The following SYNDIG1 variants were observed in gnomAD, a reference collection of about 807,000 sequenced individuals.
The protein encoded by SYNDIG1 is synapse differentiation-inducing gene protein 1.
A neutral mutation model predicts 19.4 loss-of-function variants in SYNDIG1; 9 were observed. That is an observed-to-expected ratio of 0.46 (90% CI 0.28 to 0.81). The LOEUF is 0.81. Ranked by LOEUF, SYNDIG1 falls within the 30% of genes least tolerant of loss-of-function variation. The pLI is 0.12. For synonymous variants in SYNDIG1, 141 were observed against 145.9 expected (o/e 0.97, Z 0.24); for missense variants, 311 against 343.3 (o/e 0.91, Z 0.74).
intron 3 of SYNDIG1, among the ~76,000 whole-genome samples, chr20:24,646,426 T>A (rs2059423332): frequency 6.6e-6 from 1 of 152,158 alleles, no homozygotes; most frequent in Non-Finnish European, 1.5e-5. Flanking sequence ...CACGAGTAGA[T>A]GAATTCCGTC....
intron 2 of SYNDIG1, among the ~76,000 whole-genome samples, chr20:24,548,282 T>G (rs2057629587): frequency 6.6e-6 from 1 of 152,204 alleles, no homozygotes; most frequent in Non-Finnish European, 1.5e-5. Flanking sequence ...GGGAAAAATG[T>G]GTTCCAGTAA....
At chr20:24,626,937 G>C (rs1330546256) in intron 3 of SYNDIG1, among the ~76,000 whole-genome samples, 2 of 152,172 alleles carry the variant, frequency 1.3e-5, no homozygotes, top group African/African-American at 4.8e-5. Flanking sequence ...CCAGTCAGGC[G>C]TGGCGGCGCG....
chr20:24,483,394 A>G (rs1383365953), intron 1 of SYNDIG1, among the ~76,000 whole-genome samples: 2 of 152,112 alleles, frequency 1.3e-5, no homozygotes, highest in Non-Finnish European at 2.9e-5. Flanking sequence ...TTTGATTAGG[A>G]AAAAAAACCC....
At chr20:24,631,758 A>G (rs1342797466) in intron 3 of SYNDIG1, among the ~76,000 whole-genome samples, 1 of 152,210 alleles carries the variant, frequency 6.6e-6, no homozygotes, top group East Asian at 1.9e-4. Context: ...ACACACATAT[A>G]TGCATATATA....
chr20:24,574,509 G>A (rs1054335079), intron 2 of SYNDIG1, among the ~76,000 whole-genome samples: 23 of 151,572 alleles, frequency 1.5e-4, no homozygotes, highest in Non-Finnish European at 3.1e-4. Context: ...AAATAAATAA[G>A]TAAATAAATA....
intron 1 of SYNDIG1, among the ~76,000 whole-genome samples, chr20:24,539,930 C>G (rs6114765): frequency 3.3e-5 from 5 of 152,036 alleles, no homozygotes; most frequent in Admixed American, 6.6e-5. Context: ...AGGCGCCCAC[C>G]ACCACGCCCA....
At chr20:24,622,000 T>C (rs2059046652) in intron 3 of SYNDIG1, among the ~76,000 whole-genome samples, 1 of 152,194 alleles carries the variant, frequency 6.6e-6, no homozygotes, top group Non-Finnish European at 1.5e-5. Flanking sequence ...TTCAACATAA[T>C]ATTACAAGGC....
Position 24,662,462 on chromosome 20 carries a change from C to G in SYNDIG1, c.619-2884C>G, listed in dbSNP as rs112124736. 3.3e-5 allele frequency among the ~76,000 whole-genome samples: 5 copies of G among 152,204 alleles called. 1 individual carries two copies. Among genetic ancestry groups the G allele is most frequent in the African/African-American group, 9.6e-5 (4 of 41,552 alleles). On this transcript the variant is annotated intron_variant, in intron 3 of 3. Coordinates refer to ENST00000376862, the MANE Select transcript of SYNDIG1 (RefSeq NM_024893.3). ...TGGGTTTCAGGTTGCAGGACATCTC[C>G]CTTGGGGGCTACGTCTGATGCCCTG...
At chr20:24,538,750 C>G (rs1243750966) in intron 1 of SYNDIG1, among the ~76,000 whole-genome samples, 1 of 147,974 alleles carries the variant, frequency 6.8e-6, no homozygotes, top group Admixed American at 6.9e-5. Context: ...TTTTCACATC[C>G]TCACCAACAC....
intron 3 of SYNDIG1, among the ~76,000 whole-genome samples, chr20:24,585,563 T>C (rs1375639723): frequency 1.3e-5 from 2 of 152,188 alleles, no homozygotes; most frequent in Non-Finnish European, 2.9e-5. Flanking sequence ...TTCTAAAGGT[T>C]TCGATTCCCA....
intron 2 of SYNDIG1, among the ~76,000 whole-genome samples, chr20:24,556,288 G>A (rs1191023434): frequency 1.3e-5 from 2 of 152,170 alleles, no homozygotes; most frequent in Non-Finnish European, 2.9e-5. Context: ...TTTAATTGGA[G>A]CATTTAGTCC....
intron 2 of SYNDIG1, among the ~76,000 whole-genome samples, chr20:24,580,554 C>T (rs926803815): frequency 1.3e-5 from 2 of 152,058 alleles, no homozygotes; most frequent in Non-Finnish European, 2.9e-5. Context: ...AGACTACAGG[C>T]ATGCACCACG....
At chr20:24,594,308 C>T (rs1306871581) in intron 3 of SYNDIG1, among the ~76,000 whole-genome samples, 1 of 152,122 alleles carries the variant, frequency 6.6e-6, no homozygotes, top group Non-Finnish European at 1.5e-5. Context: ...TCCTCCATTG[C>T]TTGTTTTGTC....
At chr20:24,485,253 A>G (rs1043127749) in intron 1 of SYNDIG1, among the ~76,000 whole-genome samples, 2 of 152,128 alleles carry the variant, frequency 1.3e-5, no homozygotes, top group Non-Finnish European at 2.9e-5. Flanking sequence ...TTATTTTCCA[A>G]TGTCTGTATA....
chr20:24,545,439 T>C (rs1283600584), intron 2 of SYNDIG1, among the ~76,000 whole-genome samples: 1 of 152,048 alleles, frequency 6.6e-6, no homozygotes, highest in Admixed American at 6.5e-5. Context: ...GCGTAAATGC[T>C]GCCCGACTCG....
At chr20:24,560,443 T>C (rs1481947796) in intron 2 of SYNDIG1, among the ~76,000 whole-genome samples, 2 of 152,156 alleles carry the variant, frequency 1.3e-5, no homozygotes, top group Admixed American at 6.5e-5. Flanking sequence ...CCCTCTGTCA[T>C]AACAAATCTG....
Position 24,640,513 on chromosome 20 carries a change from GGAAGGAAGGAA to G in SYNDIG1, c.619-24831_619-24821del, listed in dbSNP as rs1568710209. ...AGGAAGGAAGGAAGGAAGGAAGGAA[GGAAGGAAGGAA>G]GGAAGGAGCTTTTCTTCAAATAATT... On this transcript the variant is annotated intron_variant, in intron 3 of 3. Transcript: ENST00000376862. Among the ~76,000 whole-genome samples the G allele has an allele frequency of 1.9e-4, 28 of 145,508 alleles. No homozygotes were observed. The Middle Eastern group carries it at 0.014, about 72-fold the overall frequency.
chr20:24,660,716 C>T (rs1158076472), intron 3 of SYNDIG1, among the ~76,000 whole-genome samples: 2 of 152,260 alleles, frequency 1.3e-5, no homozygotes, highest in Non-Finnish European at 2.9e-5. Flanking sequence ...ACCTTCGCAT[C>T]CCCAGCTTCA....
At chr20:24,562,639 A>G (rs1389677237) in intron 2 of SYNDIG1, among the ~76,000 whole-genome samples, 4 of 152,190 alleles carry the variant, frequency 2.6e-5, no homozygotes, top group Non-Finnish European at 5.9e-5. Context: ...TTCCTCTGAA[A>G]CAATGTGATA....
Sources: gnomAD v4.1 joint callset for allele counts (sites outside exome capture counted in the v4.1 genomes callset) on GRCh38, gnomAD v4.1.1 for gene constraint, MANE v1.5 for transcripts, NCBI Gene and HGNC (gene_info 2026-07-23, HGNC 2026-07-21) for gene names.